HDAC9: variants seen among roughly 807,000 people sequenced by gnomAD.
The protein encoded by HDAC9 is MEF-2 interacting transcription repressor (MITR) protein.
Under a neutral mutation model 139.4 loss-of-function variants are expected in HDAC9, and 41 were observed. That is an observed-to-expected ratio of 0.29 (90% CI 0.23 to 0.38). The LOEUF is 0.38. Among genes scored for constraint, HDAC9 ranks in the 10% least tolerant of loss-of-function variants. The probability of loss-of-function intolerance (pLI) is 1.00; values close to 1 mark genes in which losing one functional copy is unlikely to be tolerated. For synonymous variants in HDAC9, 517 were observed against 476.2 expected, an observed-to-expected ratio of 1.09 and a Z score of -1.12; for missense variants, 1,147 against 1,297.0, an observed-to-expected ratio of 0.88 and a Z score of 1.78.
chr7:18,426,719 C>T (rs1266977254), intron 1 of HDAC9, among the ~76,000 whole-genome samples: 1 of 152,188 alleles, frequency 6.6e-6, no homozygotes, highest in East Asian at 1.9e-4. Flanking sequence ...CTTTATGAAT[C>T]TGCAAATGAT....
At position 18,664,013 on chromosome 7, in the gene HDAC9, C is replaced by T. The variant is rs578196003; in HGVS notation, c.1468-2200C>T. 8.5e-5 allele frequency among the ~76,000 whole-genome samples: 13 copies of T among 152,200 alleles called. No individual in the cohort carries two copies. In the East Asian group the frequency reaches 1.6e-3, roughly 18 times the overall value. ...AGGAATTTTTCTTTAATATCTTGCT[C>T]GTTTCTATGCTGTTGCATATTCTTT... On this transcript the variant is annotated intron_variant, in intron 11 of 25. Coordinates refer to ENST00000686413, the MANE Select transcript of HDAC9 (RefSeq NM_178425.4).
intron 1 of HDAC9, among the ~76,000 whole-genome samples, chr7:18,414,210 GA>G (rs1788833997): frequency 6.6e-6 from 1 of 151,924 alleles, no homozygotes; most frequent in African/African-American, 2.4e-5. Flanking sequence ...AGAACTTTCA[GA>G]TTTTTTTTTC....
intron 13 of HDAC9, among the ~76,000 whole-genome samples, chr7:18,737,676 C>T (rs1018598701): frequency 3.9e-5 from 6 of 152,100 alleles, no homozygotes; most frequent in African/African-American, 1.4e-4. Flanking sequence ...GCTTTATTCC[C>T]TATGATGTGG....
At position 18,119,491 on chromosome 7, in the gene HDAC9, T is replaced by G. The variant is rs751192680; in HGVS notation, c.-97+32278T>G. 5.9e-5 allele frequency among the ~76,000 whole-genome samples: 9 copies of G among 152,300 alleles called. No individual in the cohort carries two copies. In the South Asian group the frequency reaches 6.2e-4, roughly 11 times the overall value. Reference sequence around the variant, plus strand: ...CAGTTTCTTACCACCAAACTTGTCTTGGTTGAATTTGTCTCCTGTCTTCTA... The same window carrying G: ...CAGTTTCTTACCACCAAACTTGTCTGGGTTGAATTTGTCTCCTGTCTTCTA... On this transcript the variant is annotated intron_variant, in intron 1 of 12. Transcript: ENST00000417496.
Position 18,782,984 on chromosome 7 carries a change from T to C in HDAC9, c.2215-10361T>C, listed in dbSNP as rs192712625. On this transcript the variant is annotated intron_variant, in intron 16 of 25. Transcript: ENST00000686413. Reference sequence around the variant, plus strand: ...ATGTCAATGATGTCCTTGCCAATGCTACCACCTAAAAGAATAGGATAAAGT... The same window carrying C: ...ATGTCAATGATGTCCTTGCCAATGCCACCACCTAAAAGAATAGGATAAAGT... Among the ~76,000 whole-genome samples, 15 of 152,226 alleles carry C rather than the reference T, an allele frequency of 9.9e-5. No individual in the cohort carries two copies. In the East Asian group the frequency reaches 2.5e-3, roughly 26 times the overall value.
intron 21 of HDAC9, among the ~76,000 whole-genome samples, chr7:18,841,804 C>G (rs941370514): frequency 1.3e-5 from 2 of 152,106 alleles, no homozygotes; most frequent in Non-Finnish European, 2.9e-5. Context: ...CAAGCCACTT[C>G]TCCTTGTGTC....
chr7:18,093,387 A>G (rs1411898177), intron 1 of HDAC9, among the ~76,000 whole-genome samples: 4 of 152,174 alleles, frequency 2.6e-5, no homozygotes, highest in South Asian at 4.1e-4. Context: ...CTCACATTGA[A>G]GTGGATGTCA....
At chr7:18,360,291 A>T (rs574254797) in intron 1 of HDAC9, among the ~76,000 whole-genome samples, 1 of 152,356 alleles carries the variant, frequency 6.6e-6, no homozygotes, top group African/African-American at 2.4e-5. Context: ...TCTAGTTTAC[A>T]TAAGTGAAAT....
At chr7:18,525,841 A>G (rs1438483721) in intron 2 of HDAC9, among the ~76,000 whole-genome samples, 1 of 152,100 alleles carries the variant, frequency 6.6e-6, no homozygotes, top group East Asian at 1.9e-4. Context: ...AGAAATTACA[A>G]TCCCTAGTTT....
At chr7:18,428,578 T>C (rs1790337838) in intron 1 of HDAC9, among the ~76,000 whole-genome samples, 1 of 152,190 alleles carries the variant, frequency 6.6e-6, no homozygotes. Context: ...TATCACTTTA[T>C]ACCTGTTAGG....
intron 1 of HDAC9, among the ~76,000 whole-genome samples, chr7:18,323,781 T>G (rs1408411284): frequency 3.3e-5 from 5 of 152,048 alleles, no homozygotes; most frequent in Non-Finnish European, 7.4e-5. Flanking sequence ...GGTGTCTTAG[T>G]CTGTTTGGGC....
chr7:18,175,854 A>T (rs1788857895), intron 2 of HDAC9, among the ~76,000 whole-genome samples: 1 of 142,064 alleles, frequency 7.0e-6, no homozygotes, highest in South Asian at 2.3e-4. Context: ...TGCTCCTCAC[A>T]TATCATTGCA....
At chr7:18,836,026 CA>C (rs1428362747) in intron 21 of HDAC9, 29 bp downstream of exon 21, 3 of 1,272,856 alleles carry the variant, frequency 2.4e-6, no homozygotes, top group South Asian at 2.7e-5. Flanking sequence ...CTGAAAGTGG[CA>C]AATTGGAAAA....
At chr7:18,660,810 G>C (rs2129060050) in intron 11 of HDAC9, among the ~76,000 whole-genome samples, 1 of 152,240 alleles carries the variant, frequency 6.6e-6, no homozygotes, top group African/African-American at 2.4e-5. Flanking sequence ...CCAGAGGCCA[G>C]GGTAGCTGGA....
intron 25 of HDAC9, among the ~76,000 whole-genome samples, chr7:18,995,006 G>A (rs1049768820): frequency 2.0e-5 from 3 of 152,176 alleles, no homozygotes; most frequent in Non-Finnish European, 4.4e-5. Flanking sequence ...GGCAACATGA[G>A]TTTATGCATG....
chr7:18,767,588 A>G (rs766963735), intron 16 of HDAC9, among the ~76,000 whole-genome samples: 1 of 152,162 alleles, frequency 6.6e-6, no homozygotes, highest in Non-Finnish European at 1.5e-5. Context: ...AAACTTCACA[A>G]AGTGCTTTGC....
chr7:18,536,228 C>G (rs765012801), intron 2 of HDAC9, among the ~76,000 whole-genome samples: 2 of 152,128 alleles, frequency 1.3e-5, no homozygotes, highest in Non-Finnish European at 2.9e-5. Context: ...GCACTGGTGA[C>G]CAGAGGTCCC....
intron 1 of HDAC9, among the ~76,000 whole-genome samples, chr7:18,096,216 C>G (rs1015611618): frequency 6.6e-6 from 1 of 152,186 alleles, no homozygotes; most frequent in African/African-American, 2.4e-5. Context: ...TATCTTCACA[C>G]TCATGATGAT....
chr7:18,719,574 A>G lies in HDAC9; in HGVS notation c.1732-8006A>G, dbSNP rs183560717. Among the ~76,000 whole-genome samples, 902 of 152,200 alleles carry G rather than the reference A, an allele frequency of 5.9e-3. 6 individuals are homozygous for G. The highest frequency in any genetic ancestry group is 0.021 in the African/African-American group (858 of 41,526). On this transcript the variant is annotated intron_variant, in intron 12 of 25. Coordinates refer to ENST00000686413, the MANE Select transcript of HDAC9 (RefSeq NM_178425.4). ...AGGCTTGTCTTGAACTCCTGACCTC[A>G]GGTGATCCACCCACCTTGGTCTCCC...
Sources: allele counts gnomAD v4.1 joint callset (sites outside exome capture counted in the v4.1 genomes callset), GRCh38; gene constraint gnomAD v4.1.1; transcripts MANE v1.5; gene names NCBI Gene and HGNC (gene_info 2026-07-23, HGNC 2026-07-21).